The following LTBP2 variants were observed in gnomAD, a reference collection of about 807,000 sequenced individuals.
LTBP2 encodes the protein latent-transforming growth factor beta-binding protein 2.
Under a neutral mutation model 210.6 loss-of-function variants are expected in LTBP2, and 103 were observed. The ratio of observed to expected loss-of-function variants is 0.49; its 90% CI spans 0.42 to 0.58. LTBP2 has a LOEUF of 0.58. Ranked by LOEUF, LTBP2 falls within the 20% of genes least tolerant of loss-of-function variation. The probability of loss-of-function intolerance (pLI) is 0.00; values close to 1 mark genes in which losing one functional copy is unlikely to be tolerated. For missense variants in LTBP2, 2,313 were observed against 2,494.5 expected (o/e 0.93, Z 1.55); for synonymous variants, 1,007 against 1,015.0 (o/e 0.99, Z 0.15).
chr14:74,516,330 A>C (rs1289026454), intron 18 of LTBP2, among the ~76,000 whole-genome samples: 1 of 125,572 alleles, frequency 8.0e-6, no homozygotes, highest in Non-Finnish European at 1.7e-5. Flanking sequence ...GGGTCTGGGA[A>C]AGACAGAAGG....
intron 22 of LTBP2, 88 bp downstream of exon 22, chr14:74,509,150 C>T (rs1377855953): frequency 6.2e-7 from 1 of 1,602,744 alleles, no homozygotes; most frequent in Non-Finnish European, 8.5e-7. Context: ...CTCCTCCAGC[C>T]TCAGCAGCCC....
intron 15 of LTBP2, among the ~76,000 whole-genome samples, chr14:74,523,433 G>A (rs1222153338): frequency 6.6e-6 from 1 of 152,080 alleles, no homozygotes; most frequent in Non-Finnish European, 1.5e-5. Flanking sequence ...TGAAAGGTGG[G>A]GGTGGGTCAG....
intron 3 of LTBP2, among the ~76,000 whole-genome samples, chr14:74,581,040 T>C (rs920944978): frequency 3.3e-5 from 5 of 152,038 alleles, no homozygotes; most frequent in African/African-American, 1.2e-4. Flanking sequence ...TCCAGCACAT[T>C]TGAGGAAAAT....
At chr14:74,507,442 A>C in intron 25 of LTBP2, 132 bp from the exon 26 acceptor site, 1 of 1,252,986 alleles carries the variant, frequency 8.0e-7, no homozygotes, top group South Asian at 1.2e-5. Flanking sequence ...CAACCCCAGC[A>C]CATCAAGGTC....
chr14:74,523,883 G>A (rs1423002407), intron 15 of LTBP2, among the ~76,000 whole-genome samples: 1 of 152,040 alleles, frequency 6.6e-6, no homozygotes, highest in African/African-American at 2.4e-5. Context: ...TATACAGTGG[G>A]GCTTAACAGT....
intron 3 of LTBP2, among the ~76,000 whole-genome samples, chr14:74,560,379 C>A (rs1447538590): frequency 1.3e-5 from 2 of 152,212 alleles, no homozygotes; most frequent in East Asian, 3.8e-4. Context: ...ACAGTCTGTT[C>A]TCAACTGTGG....
rs370997941 is a variant in LTBP2, at chr14:74,503,539, G to C, written c.4650C>G (p.His1550Gln). 3 of 1,613,850 alleles carry C rather than the reference G, an allele frequency of 1.9e-6. No individual in the cohort carries two copies. Among genetic ancestry groups the C allele is most frequent in the Non-Finnish European group, 2.5e-6 (3 of 1,179,976 alleles). ...GECVNTEGSF[H>Q]CFCSPPLTLD... ...GGGTGAGCGGGGGGCTGCAGAAGCAGTGGAAGGAGCCCTCCGTGTTGACGC... is the reference window on the plus strand; with the variant it reads ...GGGTGAGCGGGGGGCTGCAGAAGCACTGGAAGGAGCCCTCCGTGTTGACGC... Residue 1550 changes from histidine to glutamine, a missense_variant, in exon 32 of 36, where the codon CAC becomes CAG. By Grantham distance (24) the His-to-Gln change is conservative (BLOSUM62 0). Transcript: ENST00000261978.
intron 22 of LTBP2, 101 bp from the exon 23 acceptor site, chr14:74,509,053 G>A: frequency 6.3e-7 from 1 of 1,583,372 alleles, no homozygotes; most frequent in South Asian, 1.1e-5. Flanking sequence ...TGCCTGCAGA[G>A]CTGGACCCAC....
At chr14:74,536,369 G>A (rs757080527) in intron 8 of LTBP2, among the ~76,000 whole-genome samples, 1 of 152,208 alleles carries the variant, frequency 6.6e-6, no homozygotes, top group Non-Finnish European at 1.5e-5. Flanking sequence ...GTTAGATACA[G>A]GAGGAATAAG....
chr14:74,583,648 G>A (rs541027760), intron 3 of LTBP2, among the ~76,000 whole-genome samples: 2 of 152,348 alleles, frequency 1.3e-5, no homozygotes, highest in Admixed American at 1.3e-4. Context: ...TTCACTGGGG[G>A]ATAGAAGGCT....
rs142586523 is a variant in LTBP2, at chr14:74,500,079, C to T, written c.*805G>A. ...ATGGGTGCTGTATCCCATGGCAGCC[C>T]TTGCTGCTGGTGCCCACAGGCTATC... is the stretch of plus-strand genomic sequence containing the variant. On this transcript the variant is annotated 3_prime_UTR_variant, in exon 36 of 36. Transcript: ENST00000261978. 8.6e-6 allele frequency: 2 copies of T among 233,022 alleles called. No homozygotes were observed. Among genetic ancestry groups the T allele is most frequent in the Non-Finnish European group, 1.7e-5 (2 of 118,014 alleles). 14.4% of individuals were successfully genotyped at this position (233,022 alleles called of 1,614,324 possible).
At position 74,502,858 on chromosome 14, in the gene LTBP2, A is replaced by G. The variant is rs1467124812; in HGVS notation, c.4965T>C (p.Tyr1655=). The stretch of plus-strand genomic sequence containing the variant: ...GGTCATCGGGCCCGGGGCCATACTC[A>G]TAGCCTGGCCGGAAGTGGACCCCGG... ...REAGVHFRPG[Y]EYGPGPDDLH... The change falls in exon 34 of 36, where the codon TAT becomes TAC. Residue 1655 remains tyrosine, a synonymous_variant. Transcript: ENST00000261978. 1 of 1,613,974 alleles carries G rather than the reference A, an allele frequency of 6.2e-7. No homozygotes were observed. The highest frequency in any genetic ancestry group is 8.5e-7 in the Non-Finnish European group (1 of 1,180,004).
rs76231996 is a variant in LTBP2, at chr14:74,572,462, A to T, written c.830+13392T>A. Among the ~76,000 whole-genome samples the T allele has an allele frequency of 1.5e-3, 185 of 121,040 alleles. 2 individuals carry two copies. In the East Asian group the frequency reaches 0.032, roughly 21 times the overall value. The allele number at this position is 121,040 out of a possible 152,430, so 79.4% of individuals were successfully genotyped here. On this transcript the variant is annotated intron_variant, in intron 3 of 35. Transcript: ENST00000261978. ...GAATGCCTCCCTTTTTTTTTTTTTT[A>T]AACTGTGATCATACTTTGCTAAAGT...
intron 3 of LTBP2, among the ~76,000 whole-genome samples, chr14:74,564,253 T>TTA (rs1169287243): frequency 2.0e-3 from 12 of 6,152 alleles, no homozygotes; most frequent in Admixed American, 9.0e-3. Flanking sequence ...TTATATATAT[T>TTA]TATATATATT....
intron 17 of LTBP2, 113 bp downstream of exon 17, chr14:74,521,798 G>T: frequency 7.1e-7 from 1 of 1,417,950 alleles, no homozygotes; most frequent in Non-Finnish European, 9.9e-7. Flanking sequence ...CACTCCTTCA[G>T]CTGCCCACTC....
At chr14:74,509,944 A>G in intron 20 of LTBP2, 85 bp from the exon 21 acceptor site, 2 of 1,611,204 alleles carry the variant, frequency 1.2e-6, no homozygotes, top group South Asian at 2.2e-5. Flanking sequence ...TGGGGGAAGG[A>G]CAGGTCTGGG....
At chr14:74,506,373 G>A (rs1348325321) in intron 27 of LTBP2, among the ~76,000 whole-genome samples, 182 bp from the exon 28 acceptor site, 1 of 152,240 alleles carries the variant, frequency 6.6e-6, no homozygotes, top group East Asian at 1.9e-4. Flanking sequence ...GAAAAAAGGA[G>A]AGGAGTGGCA....
chr14:74,556,906 C>T (rs2087736346), intron 3 of LTBP2, among the ~76,000 whole-genome samples: 1 of 152,160 alleles, frequency 6.6e-6, no homozygotes, highest in Admixed American at 6.5e-5. Context: ...ATTTGTTGTA[C>T]TATTCTATTT....
At chr14:74,501,410 C>A in intron 35 of LTBP2, 31 bp downstream of exon 35, 1 of 1,613,912 alleles carries the variant, frequency 6.2e-7, no homozygotes, top group Non-Finnish European at 8.5e-7. Flanking sequence ...AGTGGGCCAG[C>A]CTGACTCCTC....
Sources: allele counts gnomAD v4.1 joint callset (sites outside exome capture counted in the v4.1 genomes callset), GRCh38; gene constraint gnomAD v4.1.1; transcripts MANE v1.5; gene names NCBI Gene and HGNC (gene_info 2026-07-23, HGNC 2026-07-21).